The following TAFA1 variants were observed in gnomAD, a reference collection of about 807,000 sequenced individuals.
TAFA1 encodes TAFA chemokine like family member 1.
In TAFA1, 4 loss-of-function variants were observed where a neutral mutation model predicts 18.5. The observed-to-expected ratio is 0.22, with a 90% CI of 0.11 to 0.49. TAFA1 has a LOEUF of 0.49. Among genes scored for constraint, TAFA1 ranks in the 20% least tolerant of loss-of-function variants. The probability of loss-of-function intolerance (pLI) is 0.98; values close to 1 mark genes in which losing one functional copy is unlikely to be tolerated. For missense variants in TAFA1, 147 were observed against 169.0 expected, an observed-to-expected ratio of 0.87 and a Z score of 0.72; for synonymous variants, 56 against 55.2, an observed-to-expected ratio of 1.01 and a Z score of -0.06.
chr3:68,044,545 G>A (rs570670974), intron 2 of TAFA1, among the ~76,000 whole-genome samples: 1 of 152,272 alleles, frequency 6.6e-6, no homozygotes, highest in South Asian at 2.1e-4. Context: ...TCCAGCCTGG[G>A]CCTGGGTTCT....
At chr3:68,202,339 G>C (rs1315810895) in intron 2 of TAFA1, among the ~76,000 whole-genome samples, 1 of 151,512 alleles carries the variant, frequency 6.6e-6, no homozygotes, top group Admixed American at 6.6e-5. Flanking sequence ...GGTATATTTA[G>C]ACCATTGTTG....
intron 2 of TAFA1, among the ~76,000 whole-genome samples, chr3:68,091,365 T>C (rs2065028223): frequency 1.3e-5 from 2 of 152,286 alleles, no homozygotes; most frequent in South Asian, 4.1e-4. Flanking sequence ...AGTTTGGCTT[T>C]TTGGAGCACA....
At chr3:68,380,202 A>G (rs1454574070) in intron 2 of TAFA1, among the ~76,000 whole-genome samples, 1 of 152,086 alleles carries the variant, frequency 6.6e-6, no homozygotes, top group Non-Finnish European at 1.5e-5. Context: ...AGACTTTGCT[A>G]TTGTGAATAC....
rs768526667 is a variant in TAFA1 at position 68,361,004 on chromosome 3, A to T, written c.119-56276A>T. Among the ~76,000 whole-genome samples, 5 of 152,038 alleles carry T rather than the reference A, an allele frequency of 3.3e-5. No individual in the cohort carries two copies. In the East Asian group the frequency reaches 9.6e-4, roughly 29 times the overall value. On this transcript the variant is annotated intron_variant, in intron 2 of 4. Transcript: ENST00000478136. ...TGTGGTATAGTTTTATGCTAAAGAA[A>T]TAATAAGGCAAAATGCACTTTTGCT...
chr3:68,042,116 C>T (rs1705176983), intron 2 of TAFA1, among the ~76,000 whole-genome samples: 1 of 152,160 alleles, frequency 6.6e-6, no homozygotes, highest in African/African-American at 2.4e-5. Context: ...GACTGACCTC[C>T]ATTCTTCATA....
At chr3:68,333,567 C>T (rs1341294569) in intron 2 of TAFA1, among the ~76,000 whole-genome samples, 3 of 152,162 alleles carry the variant, frequency 2.0e-5, no homozygotes, top group Non-Finnish European at 4.4e-5. Flanking sequence ...CAAACCCCTG[C>T]GACACAAAAT....
At chr3:68,502,111 A>G (rs958932238) in intron 3 of TAFA1, among the ~76,000 whole-genome samples, 1 of 152,174 alleles carries the variant, frequency 6.6e-6, no homozygotes, top group Admixed American at 6.6e-5. Flanking sequence ...TGGAGGACGT[A>G]GTTTGATTTA....
chr3:68,521,856 G>GTTTTTTTTTTTTTTTTTTTTTTTT (rs57372768), intron 3 of TAFA1, among the ~76,000 whole-genome samples: 1 of 70,846 alleles, frequency 1.4e-5, no homozygotes. Flanking sequence ...GTTTTTTTCT[G>GTTTTTTTTTTTTTTTTTTTTTTTT]TTTTTTTTTT....
chr3:68,255,889 AC>A (rs1400049742), intron 2 of TAFA1, among the ~76,000 whole-genome samples: 3 of 152,132 alleles, frequency 2.0e-5, no homozygotes, highest in Non-Finnish European at 4.4e-5. Context: ...GTTAACAAAC[AC>A]TTTTAATTAA....
chr3:67,995,964 A>C, the TAFA1 span, among the ~76,000 whole-genome samples: 4 of 152,248 alleles, frequency 2.6e-5, no homozygotes, highest in Non-Finnish European at 5.9e-5. Context: ...TCATGTATTC[A>C]TATGTTCTAT....
At position 68,341,169 on chromosome 3, in the gene TAFA1, A is replaced by G. The variant is rs117439565; in HGVS notation, c.119-76111A>G. 3.9e-5 allele frequency among the ~76,000 whole-genome samples: 6 copies of G among 152,294 alleles called. No homozygotes were observed. The East Asian group carries it at 1.2e-3, about 29-fold the overall frequency. Reference sequence around the variant, plus strand: ...TGGCTGTGTGGGAGACCATAGTTTTATTAATACTCAAATCAGTCTCTCCAA... The same window carrying G: ...TGGCTGTGTGGGAGACCATAGTTTTGTTAATACTCAAATCAGTCTCTCCAA... On this transcript the variant is annotated intron_variant, in intron 2 of 4. Transcript: ENST00000478136.
At chr3:68,461,698 A>G (rs2071785746) in intron 3 of TAFA1, among the ~76,000 whole-genome samples, 1 of 151,460 alleles carries the variant, frequency 6.6e-6, no homozygotes, top group Admixed American at 6.6e-5. Context: ...CAAGCAGAAG[A>G]CAGTTGCCTG....
At chr3:68,193,042 A>G (rs781069729) in intron 2 of TAFA1, among the ~76,000 whole-genome samples, 19 of 151,798 alleles carry the variant, frequency 1.3e-4, no homozygotes, top group African/African-American at 3.1e-4. Flanking sequence ...TTAAACCTTA[A>G]TAAGATGCTG....
At chr3:68,487,751 C>CAAA (rs35345325) in intron 3 of TAFA1, among the ~76,000 whole-genome samples, 2 of 66,872 alleles carry the variant, frequency 3.0e-5, no homozygotes, top group African/African-American at 5.3e-5. Context: ...AACTCTGTCT[C>CAAA]AAAAAAAAAA....
chr3:68,081,245 G>A lies in TAFA1; in HGVS notation c.118+74501G>A, dbSNP rs576214367. Among the ~76,000 whole-genome samples, 415 of 152,000 alleles carry A rather than the reference G, an allele frequency of 2.7e-3. 3 individuals are homozygous for A. The highest frequency in any genetic ancestry group is 9.6e-3 in the African/African-American group (398 of 41,430). ...TTTTTTCGAAGTTTTCAACTTCTTT[G>A]CCTTTGGTTTGAATGTCCTCCCATA... On this transcript the variant is annotated intron_variant, in intron 2 of 4. Coordinates refer to ENST00000478136, the MANE Select transcript of TAFA1 (RefSeq NM_213609.4).
At chr3:68,360,954 T>C (rs1352671891) in intron 2 of TAFA1, among the ~76,000 whole-genome samples, 1 of 152,012 alleles carries the variant, frequency 6.6e-6, no homozygotes, top group Non-Finnish European at 1.5e-5. Flanking sequence ...ATGATTTCGG[T>C]CTTCTGTTTT....
At chr3:68,069,674 G>A (rs940840151) in intron 2 of TAFA1, among the ~76,000 whole-genome samples, 1 of 152,158 alleles carries the variant, frequency 6.6e-6, no homozygotes, top group Non-Finnish European at 1.5e-5. Context: ...TTCTGCCTAT[G>A]AGCCTGTAAA....
intron 2 of TAFA1, among the ~76,000 whole-genome samples, chr3:68,221,276 TG>T (rs2066726678): frequency 6.6e-6 from 1 of 152,194 alleles, no homozygotes; most frequent in Non-Finnish European, 1.5e-5. Flanking sequence ...GACCCAATTT[TG>T]CTCTTCTTCC....
At chr3:68,275,825 G>A (rs999177644) in intron 2 of TAFA1, among the ~76,000 whole-genome samples, 4 of 151,986 alleles carry the variant, frequency 2.6e-5, no homozygotes, top group Non-Finnish European at 4.4e-5. Context: ...ATTTGGACTC[G>A]GGACTTGAGT....
Sources: gnomAD v4.1 joint callset for allele counts (sites outside exome capture counted in the v4.1 genomes callset) on GRCh38, gnomAD v4.1.1 for gene constraint, MANE v1.5 for transcripts, NCBI Gene and HGNC (gene_info 2026-07-23, HGNC 2026-07-21) for gene names.